The following ZFAND3 variants were observed in gnomAD, a reference collection of about 807,000 sequenced individuals.
ZFAND3 encodes AN1-type zinc finger protein 3.
A neutral mutation model predicts 29.6 loss-of-function variants in ZFAND3; 10 were observed. The observed-to-expected ratio is 0.34, with a 90% CI of 0.21 to 0.57. ZFAND3 has a LOEUF of 0.57. ZFAND3 is among the 20% of genes least tolerant of loss of function. The pLI is 0.86. For missense variants in ZFAND3, 230 were observed against 304.5 expected (o/e 0.76, Z 1.82); for synonymous variants, 128 against 112.6 (o/e 1.14, Z -0.87).
intron 1 of ZFAND3, among the ~76,000 whole-genome samples, chr6:37,830,484 G>A (rs998507343): frequency 6.6e-6 from 1 of 152,220 alleles, no homozygotes; most frequent in Non-Finnish European, 1.5e-5. Flanking sequence ...AAGTGCTAAT[G>A]ATCACAGGAT....
At chr6:38,128,059 T>C (rs1009432546) in intron 5 of ZFAND3, among the ~76,000 whole-genome samples, 16 of 152,256 alleles carry the variant, frequency 1.1e-4, no homozygotes, top group African/African-American at 3.6e-4. Flanking sequence ...CTTGGGACCC[T>C]GTGTGGAGCC....
chr6:38,133,001 T>C (rs1233836997), intron 5 of ZFAND3, among the ~76,000 whole-genome samples: 4 of 152,230 alleles, frequency 2.6e-5, no homozygotes, highest in Non-Finnish European at 5.9e-5. Context: ...AGAACTGATA[T>C]TGGAGCATGA....
chr6:37,873,885 C>T (rs1361845665), intron 1 of ZFAND3, among the ~76,000 whole-genome samples: 1 of 152,164 alleles, frequency 6.6e-6, no homozygotes, highest in Non-Finnish European at 1.5e-5. Context: ...CCCAGAAAAA[C>T]TTTACACTGA....
rs995829395 is a variant in ZFAND3 at position 38,153,433 on chromosome 6, C to G, written c.*1044C>G. On this transcript the variant is annotated 3_prime_UTR_variant, in exon 6 of 6. Coordinates refer to ENST00000287218, the MANE Select transcript of ZFAND3 (RefSeq NM_021943.3). ...CCTCCATTCTCGTTTCTATGCAGCC[C>G]CATAGTCCAAGGACACCCAGTCCAC... 4 of 985,524 alleles carry G rather than the reference C, an allele frequency of 4.1e-6. No individual in the cohort carries two copies. The highest frequency in any genetic ancestry group is 4.8e-6 in the Non-Finnish European group (4 of 830,018). 61.0% of individuals were successfully genotyped at this position (985,524 alleles called of 1,614,324 possible). A position where few individuals can be genotyped will look rare whatever the true frequency, so the allele number is the denominator to read the frequency against.
At chr6:37,896,566 C>CTTTCTTTCTTTA (rs1561925985) in intron 1 of ZFAND3, among the ~76,000 whole-genome samples, 1 of 131,638 alleles carries the variant, frequency 7.6e-6, no homozygotes, top group Non-Finnish European at 1.6e-5. Context: ...TTCTTTCTTT[C>CTTTCTTTCTTTA]TTTCTCTCTT....
intron 1 of ZFAND3, among the ~76,000 whole-genome samples, chr6:37,862,646 A>G (rs1279880778): frequency 6.6e-6 from 1 of 151,882 alleles, no homozygotes; most frequent in East Asian, 1.9e-4. Flanking sequence ...CAAGGCTGCA[A>G]TGAGCTGTGA....
At chr6:37,841,560 T>G (rs915053021) in intron 1 of ZFAND3, among the ~76,000 whole-genome samples, 8 of 152,096 alleles carry the variant, frequency 5.3e-5, no homozygotes, top group Admixed American at 3.9e-4. Flanking sequence ...CTTGGCTCAC[T>G]GCAAGCTCTG....
chr6:38,092,048 G>T (rs985689000), intron 4 of ZFAND3, among the ~76,000 whole-genome samples: 6 of 152,090 alleles, frequency 3.9e-5, no homozygotes, highest in Non-Finnish European at 5.9e-5. Context: ...TGCCTCTCCC[G>T]CCAGCAGGTG....
At chr6:37,920,197 G>T (rs1561934441) in intron 1 of ZFAND3, among the ~76,000 whole-genome samples, 1 of 151,710 alleles carries the variant, frequency 6.6e-6, no homozygotes, top group South Asian at 2.1e-4. Flanking sequence ...TTATGTTTGG[G>T]GATATATAGT....
At chr6:38,060,730 C>T (rs1764220811) in intron 2 of ZFAND3, among the ~76,000 whole-genome samples, 2 of 152,110 alleles carry the variant, frequency 1.3e-5, no homozygotes, top group Admixed American at 1.3e-4. Flanking sequence ...AGATTATAGG[C>T]GTGAGCTACT....
At position 38,153,045 on chromosome 6, in the gene ZFAND3, T is replaced by C. The variant is rs1440166659; in HGVS notation, c.*656T>C. 4.1e-6 allele frequency: 4 copies of C among 985,560 alleles called. No homozygotes were observed. The highest frequency in any genetic ancestry group is 4.8e-6 in the Non-Finnish European group (4 of 829,942). 61.1% of individuals were successfully genotyped at this position (985,560 alleles called of 1,614,324 possible). A position where few individuals can be genotyped will look rare whatever the true frequency, so the allele number is the denominator to read the frequency against. On this transcript the variant is annotated 3_prime_UTR_variant, in exon 6 of 6. Transcript: ENST00000287218. The stretch of plus-strand genomic sequence containing the variant: ...CAAGAAGAGAAACAGTAACCTCACT[T>C]TGAAAATTAGCTCCACTCAAGACTA...
intron 2 of ZFAND3, among the ~76,000 whole-genome samples, chr6:37,955,149 T>TTG (rs3047089): frequency 0.074 from 10,972 of 148,874 alleles, 452 homozygotes; most frequent in Middle Eastern, 0.11. Context: ...CAACCAATTT[T>TTG]TGTGTGTGTG....
At chr6:38,089,120 T>C (rs1383376864) in intron 4 of ZFAND3, among the ~76,000 whole-genome samples, 1 of 151,174 alleles carries the variant, frequency 6.6e-6, no homozygotes, top group East Asian at 1.9e-4. Flanking sequence ...TTGACTCACT[T>C]CTTTTTTTAT....
At chr6:37,832,775 T>C (rs1763888382) in intron 1 of ZFAND3, 2 of 152,158 alleles carry the variant, frequency 1.3e-5, no homozygotes, top group Non-Finnish European at 2.9e-5. Flanking sequence ...CTCCTGGGCT[T>C]AAGTGATCCT....
intron 5 of ZFAND3, among the ~76,000 whole-genome samples, chr6:38,132,028 A>G (rs1562011186): frequency 6.6e-6 from 1 of 152,308 alleles, no homozygotes; most frequent in Non-Finnish European, 1.5e-5. Context: ...CCCCCCACCA[A>G]TTTTTATTGG....
At chr6:38,051,294 A>G (rs1423681248) in intron 2 of ZFAND3, among the ~76,000 whole-genome samples, 1 of 152,216 alleles carries the variant, frequency 6.6e-6, no homozygotes, top group Non-Finnish European at 1.5e-5. Flanking sequence ...AGGACTGTGG[A>G]TACAATTATA....
At chr6:38,070,572 A>G (rs1256134754) in intron 3 of ZFAND3, among the ~76,000 whole-genome samples, 1 of 152,050 alleles carries the variant, frequency 6.6e-6, no homozygotes, top group African/African-American at 2.4e-5. Context: ...TGCCCTTACT[A>G]TCCTTTTCTC....
At chr6:38,009,497 A>G (rs1164158687) in intron 2 of ZFAND3, among the ~76,000 whole-genome samples, 4 of 152,234 alleles carry the variant, frequency 2.6e-5, no homozygotes, top group Non-Finnish European at 5.9e-5. Context: ...GGGAGAGACA[A>G]AAAGATCTTC....
At position 37,909,619 on chromosome 6, in the gene ZFAND3, TC is replaced by T. The variant is rs1376590846; in HGVS notation, c.72-20339del. ...GAATGTTAAGAATTTTGTTCAGAAT[TC>T]TTTTTTTTTTTTTTTTTTTGATGTT... On this transcript the variant is annotated intron_variant, in intron 1 of 5. Coordinates refer to ENST00000287218, the MANE Select transcript of ZFAND3 (RefSeq NM_021943.3). Among the ~76,000 whole-genome samples, 20 of 123,324 alleles carry T rather than the reference TC, an allele frequency of 1.6e-4. 1 individual carries two copies. Among genetic ancestry groups the T allele is most frequent in the South Asian group, 2.6e-4 (1 of 3,788 alleles). The allele number at this position is 123,324 out of a possible 152,430, so 80.9% of individuals were successfully genotyped here. A position where few individuals can be genotyped will look rare whatever the true frequency, so the allele number is the denominator to read the frequency against.
Sources: allele counts gnomAD v4.1 joint callset (sites outside exome capture counted in the v4.1 genomes callset), GRCh38; gene constraint gnomAD v4.1.1; transcripts MANE v1.5; gene names NCBI Gene and HGNC (gene_info 2026-07-23, HGNC 2026-07-21).